SLC35D1: variants seen among roughly 807,000 people sequenced by gnomAD.
SLC35D1 encodes solute carrier family 35 member D1.
In SLC35D1, 31 loss-of-function variants were observed where a neutral mutation model predicts 46.7. The observed-to-expected ratio is 0.66, with a 90% CI of 0.50 to 0.90. SLC35D1 has a LOEUF of 0.90. Among genes scored for constraint, SLC35D1 ranks in the 40% least tolerant of loss-of-function variants. SLC35D1 has a pLI of 0.00. For synonymous variants in SLC35D1, 195 were observed against 164.6 expected (o/e 1.18, Z -1.41); for missense variants, 397 against 426.2 (o/e 0.93, Z 0.60).
At chr1:66,976,077 C>G in the SLC35D1 span, among the ~76,000 whole-genome samples, 1 of 151,934 alleles carries the variant, frequency 6.6e-6, no homozygotes, top group Non-Finnish European at 1.5e-5. Flanking sequence ...AGCCTCTGCC[C>G]CCACCCCCAC....
the SLC35D1 span, chr1:66,988,737 C>G: frequency 2.0e-5 from 3 of 152,204 alleles, no homozygotes; most frequent in Non-Finnish European, 2.9e-5. Flanking sequence ...TTGATGGTGA[C>G]AGTTTCACAT....
the SLC35D1 span, chr1:66,985,813 AATTT>A: frequency 8.7e-5 from 64 of 738,672 alleles, no homozygotes; most frequent in South Asian, 1.3e-3. Context: ...AGGATTATAA[AATTT>A]TTTTTTTTTT....
rs767110281 is a variant in SLC35D1, at chr1:67,001,431, A to G, written c.*2909T>C. On this transcript the variant is annotated 3_prime_UTR_variant, in exon 12 of 12. Transcript: ENST00000235345. ...ATGCTGGCAATGTGTAGCCTGGCCA[A>G]CTAGGGTTATTCCAATCCATTTAGC... 3 of 152,392 alleles carry G rather than the reference A, an allele frequency of 2.0e-5. No individual in the cohort carries two copies. Among genetic ancestry groups the G allele is most frequent in the African/African-American group, 7.2e-5 (3 of 41,458 alleles). The allele number at this position is 152,392 out of a possible 1,614,324, so 9.4% of individuals were successfully genotyped here.
At position 67,003,224 on chromosome 1, in the gene SLC35D1, C is replaced by T. The variant is rs1408620639; in HGVS notation, c.*1116G>A. On this transcript the variant is annotated 3_prime_UTR_variant, in exon 12 of 12. Coordinates refer to ENST00000235345, the MANE Select transcript of SLC35D1 (RefSeq NM_015139.3). ...AACCAATAAATTCAGAAATGTGGGA[C>T]CTCATCATATTCATCCAAAGAGCAA... 6.6e-6 allele frequency: 1 copy of T among 152,288 alleles called. No homozygotes were observed. 9.4% of individuals were successfully genotyped at this position (152,288 alleles called of 1,614,324 possible). A position where few individuals can be genotyped will look rare whatever the true frequency, so the allele number is the denominator to read the frequency against.
chr1:66,998,724 A>T (rs943138648), downstream of SLC35D1, among the ~76,000 whole-genome samples: 1 of 152,248 alleles, frequency 6.6e-6, no homozygotes, highest in Non-Finnish European at 1.5e-5. Context: ...ATGCTATGTG[A>T]AATAAGCCAG....
rs1259056979 is a variant in SLC35D1 at position 67,003,893 on chromosome 1, A to G, written c.*447T>C. 4.9e-6 allele frequency: 1 copy of G among 205,826 alleles called. No individual in the cohort carries two copies. The highest frequency in any genetic ancestry group is 1.2e-4 in the East Asian group (1 of 8,296). The allele number at this position is 205,826 out of a possible 1,614,324, so 12.7% of individuals were successfully genotyped here. On this transcript the variant is annotated 3_prime_UTR_variant, in exon 12 of 12. Transcript: ENST00000235345. Reference sequence around the variant, plus strand: ...AATCATAAGAAATAAGATTCAAAGAAGAGAAATTTCACATATTCGTCTGCA... The same window carrying G: ...AATCATAAGAAATAAGATTCAAAGAGGAGAAATTTCACATATTCGTCTGCA...
chr1:66,984,718 A>G, the SLC35D1 span: 3 of 1,614,048 alleles, frequency 1.9e-6, no homozygotes, highest in African/African-American at 1.3e-5. Flanking sequence ...TAACCTTACC[A>G]CTGACCCAAA....
chr1:67,035,242 C>T (rs180881584), intron 8 of SLC35D1, among the ~76,000 whole-genome samples: 10 of 152,250 alleles, frequency 6.6e-5, no homozygotes, highest in African/African-American at 2.4e-4. Context: ...CCCTCCTCCT[C>T]TATTTTTTGG....
chr1:67,009,698 T>TTGG (rs3048471), intron 10 of SLC35D1, among the ~76,000 whole-genome samples: 4 of 151,696 alleles, frequency 2.6e-5, no homozygotes, highest in Non-Finnish European at 4.4e-5. Context: ...TTGGCGAGGT[T>TTGG]GAGAAAAAGG....
chr1:66,990,072 C>CA, the SLC35D1 span, among the ~76,000 whole-genome samples: 2 of 152,280 alleles, frequency 1.3e-5, no homozygotes, highest in East Asian at 3.9e-4. Context: ...CTCCCTTAAT[C>CA]CCCTCTAAGC....
In SLC35D1 at chr1:67,053,882, CA is replaced by C. The variant is rs1323741327; in HGVS notation, c.131del (p.Leu44ArgfsTer8). 9.9e-6 allele frequency: 16 copies of C among 1,613,764 alleles called. No homozygotes were observed. Among genetic ancestry groups the C allele is most frequent in the Non-Finnish European group, 1.4e-5 (16 of 1,179,740 alleles). The stretch of plus-strand genomic sequence containing the variant: ...AGCTCACGCCGTAAAAGCCGGCGGC[CA>C]GCAGCTTCAGAAACACGGTCAGCGT... ...AETLTVFLKL[L>X]AAGFYGVSSF... is the part of the protein sequence containing the mutation. On this transcript the variant is annotated frameshift_variant, in exon 1 of 12. Transcript: ENST00000235345. LOFTEE classifies it high-confidence loss of function.
the SLC35D1 span, chr1:66,985,702 C>T: frequency 3.0e-6 from 3 of 984,578 alleles, no homozygotes; most frequent in African/African-American, 1.8e-5. Flanking sequence ...CTGAGTCTGT[C>T]AGCTTTCATT....
chr1:67,034,011 T>A (rs1165328843), intron 8 of SLC35D1, among the ~76,000 whole-genome samples: 2 of 152,210 alleles, frequency 1.3e-5, no homozygotes, highest in Admixed American at 1.3e-4. Flanking sequence ...TGGATTTAGT[T>A]CTGTGTTCTA....
At chr1:67,021,201 A>G (rs1250994749) in intron 9 of SLC35D1, among the ~76,000 whole-genome samples, 1 of 152,228 alleles carries the variant, frequency 6.6e-6, no homozygotes, top group African/African-American at 2.4e-5. Context: ...ACTGCCACCT[A>G]CAAAGTGCGC....
the SLC35D1 span, among the ~76,000 whole-genome samples, chr1:66,989,468 T>A: frequency 6.6e-6 from 1 of 152,304 alleles, no homozygotes; most frequent in South Asian, 2.1e-4. Flanking sequence ...TATATAAACT[T>A]CTAAAAAATT....
chr1:67,051,992 TA>T lies in SLC35D1; in HGVS notation c.392+19del. The T allele has an allele frequency of 6.6e-7, 1 of 1,520,342 alleles. No individual in the cohort carries two copies. Among genetic ancestry groups the T allele is most frequent in the Non-Finnish European group, 9.1e-7 (1 of 1,094,922 alleles). 94.2% of individuals were successfully genotyped at this position (1,520,342 alleles called of 1,614,324 possible). On this transcript the variant is annotated intron_variant, in intron 4 of 11. Coordinates refer to ENST00000235345, the MANE Select transcript of SLC35D1 (RefSeq NM_015139.3). ...GAATACATTATATTAACCTCACTAG[TA>T]AAATAAAGTTATCCATACTTCAGTT...
At chr1:67,028,382 T>C (rs990038648) in intron 8 of SLC35D1, among the ~76,000 whole-genome samples, 3 of 152,214 alleles carry the variant, frequency 2.0e-5, no homozygotes, top group African/African-American at 4.8e-5. Flanking sequence ...AAGTCTTCTA[T>C]ACTTTACTGA....
Position 67,052,840 on chromosome 1 carries a change from T to G in SLC35D1, c.255A>C (p.Ala85=), listed in dbSNP as rs1184298909. ...VGLGQMVATV[A]VLWVGKALRV... ...TGAGCGCCTTTCCCACCCAGAGAAC[T>G]GCCACTGTGGCCACCATCTGTAAAC... The change falls in exon 3 of 12, where the codon GCA becomes GCC. Residue 85 remains alanine, a synonymous_variant. Transcript: ENST00000235345. 3 of 1,614,050 alleles carry G rather than the reference T, an allele frequency of 1.9e-6. No homozygotes were observed. The highest frequency in any genetic ancestry group is 2.7e-5 in the African/African-American group (2 of 74,906).
intron 10 of SLC35D1, among the ~76,000 whole-genome samples, chr1:67,016,967 AG>A (rs2102267088): frequency 6.6e-6 from 1 of 152,304 alleles, no homozygotes; most frequent in African/African-American, 2.4e-5. Context: ...TGACAGACCA[AG>A]GGACCTCGAG....
Sources: allele counts gnomAD v4.1 joint callset (sites outside exome capture counted in the v4.1 genomes callset), GRCh38; gene constraint gnomAD v4.1.1; transcripts MANE v1.5; gene names NCBI Gene and HGNC (gene_info 2026-07-23, HGNC 2026-07-21).